The following JPH1 variants were observed in gnomAD, a reference collection of about 807,000 sequenced individuals.
JPH1 encodes the protein junctophilin 1, also known as junctophilin-1.
Under a neutral mutation model 53.6 loss-of-function variants are expected in JPH1, and 12 were observed. The ratio of observed to expected loss-of-function variants is 0.22; its 90% CI spans 0.14 to 0.36. The LOEUF is 0.36. JPH1 is among the 10% of genes least tolerant of loss of function. JPH1 has a pLI of 1.00. For synonymous variants in JPH1, 375 were observed against 363.8 expected (o/e 1.03, Z -0.35); for missense variants, 808 against 905.5 (o/e 0.89, Z 1.38).
At chr8:74,255,500 C>A (rs964202811) in intron 3 of JPH1, among the ~76,000 whole-genome samples, 1 of 152,066 alleles carries the variant, frequency 6.6e-6, no homozygotes, top group Non-Finnish European at 1.5e-5. Context: ...GACTTCATGT[C>A]TAAAACACCA....
At chr8:74,261,855 G>A (rs10106728) in intron 2 of JPH1, among the ~76,000 whole-genome samples, 10,619 of 152,114 alleles carry the variant, frequency 0.07, 950 homozygotes, top group African/African-American at 0.2. Flanking sequence ...TCAAGTACAA[G>A]TAACTTATTC....
intron 2 of JPH1, among the ~76,000 whole-genome samples, chr8:74,312,862 T>C (rs1016302750): frequency 6.6e-6 from 1 of 152,232 alleles, no homozygotes; most frequent in Non-Finnish European, 1.5e-5. Context: ...TAAGTAACTA[T>C]GAAGTAACTA....
At chr8:74,302,311 T>C (rs1807706829) in intron 2 of JPH1, among the ~76,000 whole-genome samples, 1 of 152,240 alleles carries the variant, frequency 6.6e-6, no homozygotes, top group Non-Finnish European at 1.5e-5. Flanking sequence ...AACATTCATT[T>C]ACTGCAAATT....
intron 4 of JPH1, among the ~76,000 whole-genome samples, chr8:74,241,498 G>C (rs1188294804): frequency 6.6e-6 from 1 of 152,112 alleles, no homozygotes; most frequent in Non-Finnish European, 1.5e-5. Flanking sequence ...CAGGTGGTAA[G>C]AAAATAAAAA....
chr8:74,300,042 T>C (rs1245089418), intron 2 of JPH1, among the ~76,000 whole-genome samples: 1 of 152,220 alleles, frequency 6.6e-6, no homozygotes, highest in Non-Finnish European at 1.5e-5. Context: ...TAGAATCACA[T>C]TTTCATAGTT....
chr8:74,271,977 CAA>C (rs890351115), intron 2 of JPH1, among the ~76,000 whole-genome samples: 4 of 152,218 alleles, frequency 2.6e-5, no homozygotes, highest in African/African-American at 9.6e-5. Context: ...CCATCCAAGA[CAA>C]AGGGGCAGGC....
rs944052506 is a variant in JPH1, at chr8:74,315,749, G to T, written c.380-129C>A. Reference sequence around the variant, plus strand: ...ACCCATTTCCAAGTCAACCCTGGGGGATACTTTGCATCCACTTGTGAATCC... The same window carrying T: ...ACCCATTTCCAAGTCAACCCTGGGGTATACTTTGCATCCACTTGTGAATCC... On this transcript the variant is annotated intron_variant, in intron 1 of 5. Transcript: ENST00000342232. This position sits in a 1 kb window ranked among gnomAD's most constrained non-coding sequence, Gnocchi z 6.3. The T allele has an allele frequency of 4.6e-6, 4 of 876,002 alleles. No individual in the cohort carries two copies. Among genetic ancestry groups the T allele is most frequent in the African/African-American group, 3.5e-5 (2 of 57,004 alleles). 54.3% of individuals were successfully genotyped at this position (876,002 alleles called of 1,614,324 possible).
At position 74,315,070 on chromosome 8, in the gene JPH1, A is replaced by T. The variant is rs751058709; in HGVS notation, c.930T>A (p.Asn310Lys). ...TACAGCCATATCCATGCCTCTTGTT[A>T]TTTGCCCACTCCCCTTCATACTTCA... ...NGMKYEGEWA[N>K]NKRHGYGCTV... The change falls in exon 2 of 6, where the codon AAT (asparagine) becomes AAA (lysine). Residue 310 changes from asparagine (N) to lysine (K), a missense_variant. Physicochemically the swap from Asn to Lys is moderately conservative, Grantham distance 94. Transcript: ENST00000342232. The surrounding 1 kb of genome is among the most constrained non-coding windows in gnomAD (Gnocchi z 6.3). The T allele has an allele frequency of 6.2e-7, 1 of 1,613,958 alleles. No homozygotes were observed. The highest frequency in any genetic ancestry group is 8.5e-7 in the Non-Finnish European group (1 of 1,180,026).
intron 2 of JPH1, among the ~76,000 whole-genome samples, chr8:74,297,092 C>A (rs1349567810): frequency 2.0e-5 from 3 of 152,006 alleles, no homozygotes; most frequent in African/African-American, 7.3e-5. Context: ...GTAAAAAAAA[C>A]TGCTGGTGGA....
chr8:74,246,131 A>G (rs1805854661), intron 3 of JPH1, among the ~76,000 whole-genome samples: 1 of 152,090 alleles, frequency 6.6e-6, no homozygotes, highest in African/African-American at 2.4e-5. Flanking sequence ...CACTCCACCC[A>G]TCTGCCACTT....
At chr8:74,306,989 C>G (rs1807856366) in intron 2 of JPH1, among the ~76,000 whole-genome samples, 1 of 76,148 alleles carries the variant, frequency 1.3e-5, no homozygotes, top group Admixed American at 1.2e-4. Context: ...TTTCCTTGCT[C>G]ACTTTTCAGT....
chr8:74,295,670 G>A (rs2131439222), intron 2 of JPH1, among the ~76,000 whole-genome samples: 1 of 152,120 alleles, frequency 6.6e-6, no homozygotes, highest in African/African-American at 2.4e-5. Context: ...GTTTAATAAG[G>A]TCCCAGAGTC....
intron 2 of JPH1, among the ~76,000 whole-genome samples, chr8:74,307,208 C>G (rs1325206818): frequency 6.6e-6 from 1 of 152,172 alleles, no homozygotes; most frequent in East Asian, 1.9e-4. Flanking sequence ...AGTTTGTCTT[C>G]TTGGTCTTCT....
rs946721419 is a variant in JPH1, at chr8:74,302,626, T to C, written c.1139+12235A>G. ...CAGGGCTTAGGCAAGGAGGGGGACA[T>C]GGGAGAAGGCATTCAGGCAAGGAGT... On this transcript the variant is annotated intron_variant, in intron 2 of 5. Coordinates refer to ENST00000342232, the MANE Select transcript of JPH1 (RefSeq NM_020647.4). Among the ~76,000 whole-genome samples the C allele has an allele frequency of 7.2e-5, 11 of 152,020 alleles. 1 individual carries two copies. The highest frequency in any genetic ancestry group is 2.2e-4 in the African/African-American group (9 of 41,396).
chr8:74,285,148 T>C (rs1305357469), intron 2 of JPH1, among the ~76,000 whole-genome samples: 9 of 145,562 alleles, frequency 6.2e-5, no homozygotes, highest in Admixed American at 6.0e-4. Flanking sequence ...TAACTGGAGA[T>C]TTTTTTTTAA....
intron 2 of JPH1, among the ~76,000 whole-genome samples, chr8:74,282,196 T>C (rs1479162898): frequency 6.6e-6 from 1 of 152,178 alleles, no homozygotes. Flanking sequence ...CCAAAGCATG[T>C]GTTCTTCCCA....
chr8:74,295,037 C>T (rs1474481953), intron 2 of JPH1, among the ~76,000 whole-genome samples: 1 of 152,208 alleles, frequency 6.6e-6, no homozygotes, highest in Non-Finnish European at 1.5e-5. Flanking sequence ...CCTGGACCTA[C>T]ATAAGTTTGA....
At chr8:74,305,672 T>C (rs1307005485) in intron 2 of JPH1, among the ~76,000 whole-genome samples, 1 of 152,214 alleles carries the variant, frequency 6.6e-6, no homozygotes, top group Non-Finnish European at 1.5e-5. Context: ...CTTCCAGTCT[T>C]CAGTGCCAGC....
chr8:74,307,964 G>A (rs1360821315), intron 2 of JPH1, among the ~76,000 whole-genome samples: 1 of 152,100 alleles, frequency 6.6e-6, no homozygotes, highest in Non-Finnish European at 1.5e-5. Context: ...TTGACTTTGG[G>A]TTTTAATTAC....
Sources: gnomAD v4.1 joint callset for allele counts (sites outside exome capture counted in the v4.1 genomes callset) on GRCh38, gnomAD v4.1.1 for gene constraint, Gnocchi (gnomAD v3.1) non-coding constraint, MANE v1.5 for transcripts, NCBI Gene and HGNC (gene_info 2026-07-23, HGNC 2026-07-21) for gene names.